CHGB: variants seen among roughly 807,000 people sequenced by gnomAD.
The protein encoded by CHGB is chromogranin B.
Under a neutral mutation model 69.9 loss-of-function variants are expected in CHGB, and 46 were observed. The ratio of observed to expected loss-of-function variants is 0.66; its 90% CI spans 0.52 to 0.84. CHGB has a LOEUF of 0.84. Ranked by LOEUF, CHGB falls within the 40% of genes least tolerant of loss-of-function variation. The pLI is 0.00. For synonymous variants in CHGB, 312 were observed against 298.2 expected, an observed-to-expected ratio of 1.05 and a Z score of -0.48; for missense variants, 796 against 822.2, an observed-to-expected ratio of 0.97 and a Z score of 0.39.
At chr20:5,915,059 G>A (rs2088467700) in intron 1 of CHGB, among the ~76,000 whole-genome samples, 1 of 152,152 alleles carries the variant, frequency 6.6e-6, no homozygotes, top group Non-Finnish European at 1.5e-5. Context: ...CTCTTCTCAG[G>A]GACTTAGAAG....
In CHGB at chr20:5,922,605, C is replaced by T; in HGVS notation, c.461C>T (p.Thr154Ile). ...AGCCAAGTCTCTGAAGAAGTGAAGA[C>T]ACGCCATTCTGAGAAGAGCCAGAGA... ...SDSQVSEEVK[T>I]RHSEKSQRED... Residue 154 changes from threonine (T) to isoleucine (I), a missense_variant, in exon 4 of 5, where the codon ACA (threonine) becomes ATA (isoleucine). Thr to Ile is a moderately conservative substitution (Grantham distance 89, BLOSUM62 -1). Coordinates refer to ENST00000378961, the MANE Select transcript of CHGB (RefSeq NM_001819.3). 1 of 1,614,020 alleles carries T rather than the reference C, an allele frequency of 6.2e-7. No individual in the cohort carries two copies. Among genetic ancestry groups the T allele is most frequent in the Non-Finnish European group, 8.5e-7 (1 of 1,180,018 alleles).
At position 5,916,337 on chromosome 20, in the gene CHGB, A is replaced by G; in HGVS notation, c.61A>G (p.Met21Val). ...TTTCTCCTTCAAAGCTGTCAATTCCATGCCAGTGGATAACAGGAACCACAA... is the reference window on the plus strand; with the variant it reads ...TTTCTCCTTCAAAGCTGTCAATTCCGTGCCAGTGGATAACAGGAACCACAA... Reference protein sequence around the residue: ...GAVGLAAVNSMPVDNRNHNEG... With the variant: ...GAVGLAAVNSVPVDNRNHNEG... Residue 21 changes from methionine to valine, a missense_variant, in exon 2 of 5, where the codon ATG (methionine) becomes GTG (valine). By Grantham distance (21) the Met-to-Val change is conservative. This residue lies in a region of CHGB where 518 missense variants were observed against 506.3 expected (regional missense o/e 1.02). Coordinates refer to ENST00000378961, the MANE Select transcript of CHGB (RefSeq NM_001819.3). 1 of 1,613,760 alleles carries G rather than the reference A, an allele frequency of 6.2e-7. No homozygotes were observed. The highest frequency in any genetic ancestry group is 8.5e-7 in the Non-Finnish European group (1 of 1,179,774).
At chr20:5,918,215 C>T (rs1046195591) in intron 3 of CHGB, among the ~76,000 whole-genome samples, 2 of 149,104 alleles carry the variant, frequency 1.3e-5, no homozygotes, top group Admixed American at 6.7e-5. Flanking sequence ...AACCCCATCT[C>T]TACTAAAAAT....
At position 5,923,014 on chromosome 20, in the gene CHGB, C is replaced by T. The variant is rs113289710; in HGVS notation, c.870C>T (p.Pro290=). The stretch of plus-strand genomic sequence containing the variant: ...GACACCACCACGGGAGGAGCAGGCC[C>T]GACAGGTCCTCTCAAGGAGGGAGTC... ...RPRHHHGRSR[P]DRSSQGGSLP... Residue 290 remains proline (P), a synonymous_variant, in exon 4 of 5, where the codon CCC becomes CCT. Coordinates refer to ENST00000378961, the MANE Select transcript of CHGB (RefSeq NM_001819.3). 8.1e-6 allele frequency: 13 copies of T among 1,611,714 alleles called. No individual in the cohort carries two copies. The African/African-American group carries it at 9.4e-5, about 12-fold the overall frequency.
In CHGB at chr20:5,916,879, T is replaced by C; in HGVS notation, c.150T>C (p.Ala50=). 4 of 1,614,168 alleles carry C rather than the reference T, an allele frequency of 2.5e-6. No individual in the cohort carries two copies. Among genetic ancestry groups the C allele is most frequent in the South Asian group, 1.1e-5 (1 of 91,086 alleles). Reference sequence around the variant, plus strand: ...CAAATGCCTTGTCGAAGTCCAGCGCTCCACCCATCACCCCTGAGTGCCGCC... The same window carrying C: ...CAAATGCCTTGTCGAAGTCCAGCGCCCCACCCATCACCCCTGAGTGCCGCC... ...VLSNALSKSS[A]PPITPECRQV... The change falls in exon 3 of 5, where the codon GCT becomes GCC. Residue 50 remains alanine, a synonymous_variant. Coordinates refer to ENST00000378961, the MANE Select transcript of CHGB (RefSeq NM_001819.3).
Position 5,923,888 on chromosome 20 carries a change from T to G in CHGB, c.1744T>G (p.Trp582Gly), listed in dbSNP as rs2088533685. ...EKKPFSEDVN[W>G]GYEKRNLARV... ...AAAGCCCTTCTCTGAGGATGTGAAC[T>G]GGGGGTATGAGAAGAGAAACCTCGC... The change falls in exon 4 of 5, where the codon TGG becomes GGG. Residue 582 changes from tryptophan (W) to glycine (G), a missense_variant. Coordinates refer to ENST00000378961, the MANE Select transcript of CHGB (RefSeq NM_001819.3). 10 of 1,614,018 alleles carry G rather than the reference T, an allele frequency of 6.2e-6. No individual in the cohort carries two copies. Among genetic ancestry groups the G allele is most frequent in the Admixed American group, 5.0e-5 (3 of 59,996 alleles).
At chr20:5,924,343 AC>A in intron 4 of CHGB, among the ~76,000 whole-genome samples, 1 of 152,276 alleles carries the variant, frequency 6.6e-6, no homozygotes, top group African/African-American at 2.4e-5. Flanking sequence ...CACTGGGGTC[AC>A]CTGGAGAGCG....
At chr20:5,916,090 T>C in intron 1 of CHGB, 1 of 553,904 alleles carries the variant, frequency 1.8e-6, no homozygotes. Context: ...TACGCACACC[T>C]GTGTAACCAG....
At chr20:5,920,875 A>C (rs1250276741) in intron 3 of CHGB, among the ~76,000 whole-genome samples, 1 of 152,244 alleles carries the variant, frequency 6.6e-6, no homozygotes, top group Non-Finnish European at 1.5e-5. Context: ...GAATATTATT[A>C]TCATGCCAGA....
At chr20:5,914,434 T>C (rs562133775) in intron 1 of CHGB, among the ~76,000 whole-genome samples, 1 of 152,308 alleles carries the variant, frequency 6.6e-6, no homozygotes, top group East Asian at 1.9e-4. Flanking sequence ...GAAAAATCTT[T>C]CTCTGCCCCC....
chr20:5,923,844 A>G lies in CHGB; in HGVS notation c.1700A>G (p.Asn567Ser), dbSNP rs751617009. The G allele has an allele frequency of 7.4e-6, 12 of 1,614,088 alleles. No homozygotes were observed. The highest frequency in any genetic ancestry group is 3.3e-5 in the Admixed American group (2 of 60,006). Residue 567 changes from asparagine to serine, a missense_variant, in exon 4 of 5, where the codon AAC becomes AGC. Physicochemically the swap from Asn to Ser is conservative, Grantham distance 46. This residue lies in a region of CHGB where 274 missense variants were observed against 298.9 expected (regional missense o/e 0.92). Coordinates refer to ENST00000378961, the MANE Select transcript of CHGB (RefSeq NM_001819.3). ...GAGAAGAATTTCTTCCCAGAATACA[A>G]CTATGACTGGTGGGAGAAAAAGCCC... ...LNEKNFFPEY[N>S]YDWWEKKPFS...
chr20:5,923,152 G>A lies in CHGB; in HGVS notation c.1008G>A (p.Glu336=), dbSNP rs150557526. 6.5e-5 allele frequency: 105 copies of A among 1,614,142 alleles called. No individual in the cohort carries two copies. In the African/African-American group the frequency reaches 1.0e-3, roughly 16 times the overall value. The part of the protein sequence containing the change: ...DHHSTHYRAS[E]EEPEYGEEIK... The stretch of plus-strand genomic sequence containing the variant: ...ATTCAACCCACTACAGGGCTTCAGA[G>A]GAAGAACCTGAATATGGAGAAGAAA... The change falls in exon 4 of 5, where the codon GAG becomes GAA. Residue 336 remains glutamate, a synonymous_variant. Coordinates refer to ENST00000378961, the MANE Select transcript of CHGB (RefSeq NM_001819.3).
chr20:5,923,084 T>G lies in CHGB; in HGVS notation c.940T>G (p.Ser314Ala). ...ACACCCCCAGGAGGAATCTGAGGAG[T>G]CAAACGTCAGCATGGCCAGTTTAGG... ...KGHPQEESEE[S>A]NVSMASLGEK... is the part of the protein sequence containing the mutation. The change falls in exon 4 of 5, where the codon TCA (serine) becomes GCA (alanine). Residue 314 changes from serine to alanine, a missense_variant. Physicochemically the swap from Ser to Ala is moderately conservative, Grantham distance 99 (BLOSUM62 1). Coordinates refer to ENST00000378961, the MANE Select transcript of CHGB (RefSeq NM_001819.3). The G allele has an allele frequency of 1.2e-6, 2 of 1,613,534 alleles. No homozygotes were observed. The highest frequency in any genetic ancestry group is 1.7e-6 in the Non-Finnish European group (2 of 1,179,884).
chr20:5,917,980 CAA>C (rs34483659), intron 3 of CHGB: 50,780 of 114,156 alleles, frequency 0.44, 9,710 homozygotes, highest in East Asian at 0.58. Context: ...ACTAAAAATA[CAA>C]AAAAAAAAAA....
At chr20:5,918,034 C>T (rs893590521) in intron 3 of CHGB, 1 of 149,660 alleles carries the variant, frequency 6.7e-6, no homozygotes, top group Non-Finnish European at 1.5e-5. Flanking sequence ...TGTAATCCCA[C>T]TACTCAGGAG....
chr20:5,920,620 A>G (rs755815810), intron 3 of CHGB, among the ~76,000 whole-genome samples: 4 of 152,176 alleles, frequency 2.6e-5, no homozygotes, highest in Non-Finnish European at 5.9e-5. Flanking sequence ...TACCTCTCAG[A>G]GGCCCCCACC....
At chr20:5,911,827 C>A in intron 1 of CHGB, 145 bp downstream of exon 1, 1 of 819,940 alleles carries the variant, frequency 1.2e-6, no homozygotes, top group Non-Finnish European at 1.7e-6. Flanking sequence ...CTTCTCCTCC[C>A]TGGGTGTTTT....
intron 3 of CHGB, among the ~76,000 whole-genome samples, chr20:5,921,610 G>A (rs1227788775): frequency 6.6e-6 from 1 of 152,214 alleles, no homozygotes; most frequent in Non-Finnish European, 1.5e-5. Context: ...CTGTGCTGAA[G>A]TCTGTCCCCA....
chr20:5,917,022 T>A, intron 3 of CHGB, 103 bp downstream of exon 3: 1 of 1,032,086 alleles, frequency 9.7e-7, no homozygotes. Flanking sequence ...CCTGGGGGCA[T>A]AATGCACTAG....
Sources: gnomAD v4.1 joint callset for allele counts (sites outside exome capture counted in the v4.1 genomes callset) on GRCh38, gnomAD v4.1.1 for gene constraint, gnomAD v4.1.1 regional missense constraint, MANE v1.5 for transcripts, NCBI Gene and HGNC (gene_info 2026-07-23, HGNC 2026-07-21) for gene names.